Variants in RGS9 observed in about 807,000 individuals in gnomAD.
RGS9 encodes the protein regulator of G protein signaling 9.
In RGS9, 78 loss-of-function variants were observed where a neutral mutation model predicts 102.0. The ratio of observed to expected loss-of-function variants is 0.76; its 90% confidence interval spans 0.64 to 0.92. The LOEUF (loss-of-function observed/expected upper bound fraction) is 0.92, where lower values mean the gene tolerates loss of function less well. RGS9 is among the 40% of genes least tolerant of loss of function. The probability of loss-of-function intolerance (pLI) is 0.00; values close to 1 mark genes in which losing one functional copy is unlikely to be tolerated. For synonymous variants in RGS9, 353 were observed against 318.6 expected, an observed-to-expected ratio of 1.11 and a Z score of -1.15; for missense variants, 833 against 866.1, an observed-to-expected ratio of 0.96 and a Z score of 0.48.
intron 1 of RGS9, among the ~76,000 whole-genome samples, chr17:65,148,696 C>G (rs1180071105): frequency 6.6e-6 from 1 of 152,094 alleles, no homozygotes; most frequent in African/African-American, 2.4e-5. Flanking sequence ...AGCCAGTCTG[C>G]AGTTGCTATT....
At chr17:65,210,376 AC>A in intron 16 of RGS9, 111 bp from the exon 17 acceptor site, 1 of 1,333,310 alleles carries the variant, frequency 7.5e-7, no homozygotes, top group Non-Finnish European at 1.1e-6. Flanking sequence ...AAAGGAGGGA[AC>A]AAAATATAGA....
chr17:65,173,996 G>A lies in RGS9; in HGVS notation c.583-3736G>A, dbSNP rs936493706. 7.9e-5 allele frequency among the ~76,000 whole-genome samples: 12 copies of A among 152,206 alleles called. No homozygotes were observed. Among genetic ancestry groups the A allele is most frequent in the African/African-American group, 2.4e-4 (10 of 41,450 alleles). ...TGCTGCCCACAGAGGTGCAAGAGCC[G>A]AGGCAGCAGTGGCCAGAGGACTGTG... is the stretch of plus-strand genomic sequence containing the variant. On this transcript the variant is annotated intron_variant, in intron 8 of 18. Transcript: ENST00000262406. The surrounding 1 kb of genome is among the most constrained non-coding windows in gnomAD (Gnocchi z 4.8).
At chr17:65,146,075 C>G (rs1445685200) in intron 1 of RGS9, among the ~76,000 whole-genome samples, 1 of 151,968 alleles carries the variant, frequency 6.6e-6, no homozygotes, top group Admixed American at 6.5e-5. Flanking sequence ...CTTTATAACT[C>G]GATTTTTTTT....
intron 1 of RGS9, 135 bp from the exon 2 acceptor site, chr17:65,153,287 C>T (rs561677000): frequency 2.5e-6 from 2 of 789,174 alleles, no homozygotes; most frequent in South Asian, 2.7e-5. Context: ...CAGTGCCCAC[C>T]TGGCTCCTGT....
chr17:65,142,651 C>T (rs1447132292), intron 1 of RGS9, among the ~76,000 whole-genome samples: 1 of 149,280 alleles, frequency 6.7e-6, no homozygotes, highest in African/African-American at 2.5e-5. Flanking sequence ...GGCGAGATCT[C>T]GGCTAACGGT....
intron 1 of RGS9, among the ~76,000 whole-genome samples, chr17:65,151,681 T>C (rs150857702): frequency 1.3e-5 from 2 of 151,486 alleles, no homozygotes; most frequent in African/African-American, 2.5e-5. Flanking sequence ...CAGAAGTGGC[T>C]TCTTCTTTGC....
intron 15 of RGS9, among the ~76,000 whole-genome samples, chr17:65,207,437 T>C (rs1423829036): frequency 1.3e-5 from 2 of 152,236 alleles, no homozygotes; most frequent in East Asian, 3.8e-4. Context: ...GAACAAATGA[T>C]GACAGGCAAT....
intron 11 of RGS9, among the ~76,000 whole-genome samples, chr17:65,191,704 G>A (rs369634897): frequency 2.0e-5 from 3 of 152,058 alleles, no homozygotes; most frequent in Admixed American, 2.0e-4. Flanking sequence ...CTGAGATAGC[G>A]CCACTGCACT....
chr17:65,174,881 A>G (rs1295299696), intron 8 of RGS9, among the ~76,000 whole-genome samples: 1 of 152,132 alleles, frequency 6.6e-6, no homozygotes, highest in East Asian at 1.9e-4. Flanking sequence ...GGCGAGAGAG[A>G]GCGAGTATGT....
intron 1 of RGS9, among the ~76,000 whole-genome samples, chr17:65,142,983 C>G (rs1910215390): frequency 6.6e-6 from 1 of 151,900 alleles, no homozygotes; most frequent in Non-Finnish European, 1.5e-5. Flanking sequence ...ACTCAAGCTC[C>G]TGGGCTCAAG....
chr17:65,222,067 G>A (rs1913722255), intron 17 of RGS9, among the ~76,000 whole-genome samples: 1 of 152,246 alleles, frequency 6.6e-6, no homozygotes. Context: ...AGAAGAATCT[G>A]CTTCCAAGCT....
At chr17:65,210,402 G>A in intron 16 of RGS9, 86 bp from the exon 17 acceptor site, 2 of 1,491,072 alleles carry the variant, frequency 1.3e-6, no homozygotes, top group Non-Finnish European at 9.3e-7. Context: ...GGACCTTCCA[G>A]CCCCAGCTCC....
chr17:65,197,064 A>G (rs1363281558), intron 12 of RGS9, 62 bp from the exon 13 acceptor site: 4 of 1,219,940 alleles, frequency 3.3e-6, no homozygotes, highest in Non-Finnish European at 4.8e-6. Context: ...CCTCACCCCA[A>G]CCCAGGCCAC....
chr17:65,204,885 G>A (rs886302689), intron 15 of RGS9, among the ~76,000 whole-genome samples: 16 of 152,194 alleles, frequency 1.1e-4, no homozygotes, highest in Admixed American at 9.8e-4. Flanking sequence ...CACCAGAGAT[G>A]GGGCTGGGAT....
chr17:65,210,775 C>A, intron 17 of RGS9, 170 bp downstream of exon 17: 2 of 1,126,772 alleles, frequency 1.8e-6, no homozygotes, highest in Non-Finnish European at 2.5e-6. Flanking sequence ...AGGTTCATCC[C>A]ATACTCCTCT....
intron 17 of RGS9, among the ~76,000 whole-genome samples, chr17:65,224,558 C>T (rs896776320): frequency 6.6e-6 from 1 of 152,266 alleles, no homozygotes; most frequent in Non-Finnish European, 1.5e-5. Context: ...GTCACCTCCA[C>T]TTATCAGCTA....
chr17:65,202,444 T>TGAGAGAGA (rs1555616144), intron 14 of RGS9, among the ~76,000 whole-genome samples: 12 of 131,786 alleles, frequency 9.1e-5, no homozygotes, highest in South Asian at 2.4e-4. Flanking sequence ...TGTGTGTGTG[T>TGAGAGAGA]GAGAGAGAGA....
In RGS9 at chr17:65,202,043, C is replaced by A; in HGVS notation, c.1027C>A (p.Gln343Lys). ...CTGCGAGGATCTGAAGTATGGAGAT[C>A]AGTCCAAAGTCAAGGAGAAAGCAGA... ...EACEDLKYGD[Q>K]SKVKEKAEEI... The change falls in exon 14 of 19, where the codon CAG (glutamine) becomes AAG (lysine). Residue 343 changes from glutamine to lysine, a missense_variant. Physicochemically the swap from Gln to Lys is moderately conservative, Grantham distance 53. Coordinates refer to ENST00000262406, the MANE Select transcript of RGS9 (RefSeq NM_003835.4). 1 of 1,613,744 alleles carries A rather than the reference C, an allele frequency of 6.2e-7. No homozygotes were observed. Among genetic ancestry groups the A allele is most frequent in the Non-Finnish European group, 8.5e-7 (1 of 1,179,780 alleles).
intron 3 of RGS9, chr17:65,158,757 A>T (rs1428639871): frequency 9.1e-6 from 3 of 328,098 alleles, no homozygotes; most frequent in Admixed American, 8.3e-5. Context: ...ATTGAGAGTC[A>T]TGGCTCCAGA....
Sources: gnomAD v4.1 joint callset for allele counts (sites outside exome capture counted in the v4.1 genomes callset) on GRCh38, gnomAD v4.1.1 for gene constraint, Gnocchi (gnomAD v3.1) non-coding constraint, MANE v1.5 for transcripts, NCBI Gene and HGNC (gene_info 2026-07-23, HGNC 2026-07-21) for gene names.